ADK: variants seen among roughly 807,000 people sequenced by gnomAD.
ADK encodes the protein N6,N6-dimethyladenosine kinase.
A neutral mutation model predicts 44.7 loss-of-function variants in ADK; 24 were observed. The ratio of observed to expected loss-of-function variants is 0.54; its 90% CI spans 0.39 to 0.76. ADK has a LOEUF of 0.76. Among genes scored for constraint, ADK ranks in the 30% least tolerant of loss-of-function variants. ADK has a pLI of 0.00. For synonymous variants in ADK, 128 were observed against 142.6 expected (o/e 0.90, Z 0.73); for missense variants, 321 against 425.1 (o/e 0.76, Z 2.15).
chr10:74,426,562 G>C (rs1408268768), intron 6 of ADK, among the ~76,000 whole-genome samples: 1 of 152,160 alleles, frequency 6.6e-6, no homozygotes, highest in Non-Finnish European at 1.5e-5. Flanking sequence ...GTTCAGGAAG[G>C]ATAAAGCAGA....
intron 8 of ADK, among the ~76,000 whole-genome samples, chr10:74,599,327 C>A (rs1589285574): frequency 6.6e-6 from 1 of 152,266 alleles, no homozygotes; most frequent in Non-Finnish European, 1.5e-5. Context: ...TAATTGTCAT[C>A]CCTTTAAAAA....
chr10:74,407,225 G>A (rs1843974490), intron 6 of ADK, among the ~76,000 whole-genome samples: 2 of 152,068 alleles, frequency 1.3e-5, no homozygotes, highest in Admixed American at 1.3e-4. Flanking sequence ...CAAATTGCTG[G>A]GATTGCAGGC....
At chr10:74,553,693 TTTG>T (rs1374562529) in intron 7 of ADK, among the ~76,000 whole-genome samples, 1 of 152,162 alleles carries the variant, frequency 6.6e-6, no homozygotes, top group African/African-American at 2.4e-5. Context: ...TAGTTTCCTT[TTTG>T]TTAGGGGGTA....
intron 6 of ADK, among the ~76,000 whole-genome samples, chr10:74,431,380 A>C (rs1209791223): frequency 6.6e-6 from 1 of 152,200 alleles, no homozygotes; most frequent in East Asian, 1.9e-4. Flanking sequence ...TTCTTTAGGC[A>C]AACTTGCATT....
chr10:74,688,855 A>G (rs1226671216), intron 10 of ADK, among the ~76,000 whole-genome samples: 1 of 152,210 alleles, frequency 6.6e-6, no homozygotes, highest in Non-Finnish European at 1.5e-5. Flanking sequence ...GGTCAAGGAA[A>G]CAATGAGCCA....
chr10:74,459,729 AAAAAAAAAAAAAAG>A (rs910816145), intron 6 of ADK, among the ~76,000 whole-genome samples: 3 of 140,444 alleles, frequency 2.1e-5, no homozygotes, highest in African/African-American at 7.6e-5. Flanking sequence ...CTCCATCTCA[AAAAAAAAAAAAAAG>A]AAAAAAAAGA....
At chr10:74,222,584 A>C (rs1235069435) in intron 2 of ADK, among the ~76,000 whole-genome samples, 3 of 152,184 alleles carry the variant, frequency 2.0e-5, no homozygotes, top group African/African-American at 4.8e-5. Flanking sequence ...CGGCGCTATT[A>C]ACAATAGCAA....
intron 6 of ADK, among the ~76,000 whole-genome samples, chr10:74,412,322 G>A (rs1844211383): frequency 6.6e-6 from 1 of 151,916 alleles, no homozygotes; most frequent in South Asian, 2.1e-4. Flanking sequence ...TTTTATTTTT[G>A]TAGAGACGAG....
chr10:74,572,946 G>A (rs540842115), intron 7 of ADK, among the ~76,000 whole-genome samples: 46 of 152,230 alleles, frequency 3.0e-4, no homozygotes, highest in African/African-American at 9.6e-4. Flanking sequence ...CCTTTGGTTT[G>A]AATTTCCTCC....
chr10:74,259,242 G>A (rs1342657254), intron 3 of ADK, among the ~76,000 whole-genome samples: 1 of 151,704 alleles, frequency 6.6e-6, no homozygotes, highest in Non-Finnish European at 1.5e-5. Flanking sequence ...ACTGTGCCTG[G>A]CATATAGAAT....
intron 3 of ADK, among the ~76,000 whole-genome samples, chr10:74,247,199 C>G (rs1380984197): frequency 2.3e-5 from 2 of 88,144 alleles, no homozygotes; most frequent in Non-Finnish European, 5.1e-5. Flanking sequence ...TGACATCTGG[C>G]TTTTTTTGAT....
intron 2 of ADK, among the ~76,000 whole-genome samples, chr10:74,202,046 A>G (rs935594137): frequency 6.6e-6 from 1 of 152,160 alleles, no homozygotes; most frequent in Non-Finnish European, 1.5e-5. Flanking sequence ...GGACATTTTC[A>G]TCACCCCAAA....
At chr10:74,560,051 G>A (rs1185706510) in intron 7 of ADK, among the ~76,000 whole-genome samples, 1 of 151,634 alleles carries the variant, frequency 6.6e-6, no homozygotes, top group Non-Finnish European at 1.5e-5. Context: ...TGAGTAGCTG[G>A]GACTACAAGT....
intron 6 of ADK, among the ~76,000 whole-genome samples, chr10:74,438,891 T>C (rs754110481): frequency 7.2e-5 from 11 of 152,226 alleles, no homozygotes; most frequent in Admixed American, 2.0e-4. Context: ...CAAAAAACTC[T>C]TTTATATGTT....
chr10:74,553,440 C>G (rs1459823422), intron 7 of ADK, among the ~76,000 whole-genome samples: 1 of 151,962 alleles, frequency 6.6e-6, no homozygotes, highest in East Asian at 1.9e-4. Flanking sequence ...ACCTCATGAT[C>G]TGCCCTCCTC....
intron 9 of ADK, among the ~76,000 whole-genome samples, chr10:74,642,359 ATTTTTT>A (rs59316334): frequency 2.2e-5 from 3 of 134,152 alleles, no homozygotes; most frequent in South Asian, 4.7e-4. Context: ...GATGCACTCA[ATTTTTT>A]TTTTTTTTTT....
At chr10:74,202,741 T>C (rs1246812445) in intron 2 of ADK, among the ~76,000 whole-genome samples, 1 of 152,240 alleles carries the variant, frequency 6.6e-6, no homozygotes, top group African/African-American at 2.4e-5. Context: ...TTCATATGCT[T>C]ATTGGATATT....
chr10:74,290,256 C>G (rs567756188), intron 3 of ADK, among the ~76,000 whole-genome samples: 1 of 152,204 alleles, frequency 6.6e-6, no homozygotes, highest in South Asian at 2.1e-4. Context: ...CTGTTTTTCA[C>G]TCTGACTTAC....
chr10:74,568,650 T>C (rs974767224), intron 7 of ADK, among the ~76,000 whole-genome samples: 3 of 151,848 alleles, frequency 2.0e-5, no homozygotes, highest in Non-Finnish European at 4.4e-5. Context: ...TTTTTTTTTT[T>C]TTTACATGTT....
Sources: allele counts gnomAD v4.1 joint callset (sites outside exome capture counted in the v4.1 genomes callset), GRCh38; gene constraint gnomAD v4.1.1; transcripts MANE v1.5; gene names NCBI Gene and HGNC (gene_info 2026-07-23, HGNC 2026-07-21).